The following ARMH1 variants were observed in gnomAD, a reference collection of about 807,000 sequenced individuals.
ARMH1 encodes the protein armadillo-like helical domain containing protein 1.
In ARMH1, 34 loss-of-function variants were observed where a neutral mutation model predicts 50.2. The observed-to-expected ratio is 0.68, with a 90% CI of 0.51 to 0.90. ARMH1 has a LOEUF of 0.90. Ranked by LOEUF, ARMH1 falls within the 40% of genes least tolerant of loss-of-function variation. The pLI, the probability that ARMH1 is intolerant of heterozygous loss-of-function variation, is 0.00. For missense variants in ARMH1, 538 were observed against 553.9 expected, an observed-to-expected ratio of 0.97 and a Z score of 0.29; for synonymous variants, 221 against 224.2, an observed-to-expected ratio of 0.99 and a Z score of 0.13.
At chr1:44,718,830 GC>G in intron 6 of ARMH1, among the ~76,000 whole-genome samples, 1 of 152,186 alleles carries the variant, frequency 6.6e-6, no homozygotes, top group East Asian at 1.9e-4. Context: ...TTCAAGACCA[GC>G]CTGACCACCA....
intron 4 of ARMH1, among the ~76,000 whole-genome samples, chr1:44,698,807 C>A (rs567767062): frequency 7.3e-5 from 10 of 137,904 alleles, no homozygotes; most frequent in Non-Finnish European, 1.3e-4. Context: ...AAGTGAAACT[C>A]CATCTCAAAA....
intron 3 of ARMH1, 45 bp downstream of exon 3, chr1:44,697,215 C>G: frequency 6.9e-7 from 1 of 1,451,460 alleles, no homozygotes; most frequent in Non-Finnish European, 9.5e-7. Flanking sequence ...AGTGGCATCT[C>G]AGGCTCATGA....
chr1:44,705,067 CCT>C, intron 6 of ARMH1, among the ~76,000 whole-genome samples: 1 of 146,368 alleles, frequency 6.8e-6, no homozygotes, highest in Admixed American at 6.9e-5. Context: ...GATCTCCTGA[CCT>C]CGTGATCCAC....
At position 44,724,550 on chromosome 1, in the gene ARMH1, G is replaced by C; in HGVS notation, c.932G>C (p.Arg311Pro). 6.6e-7 allele frequency: 1 copy of C among 1,511,188 alleles called. No individual in the cohort carries two copies. Among genetic ancestry groups the C allele is most frequent in the Non-Finnish European group, 8.8e-7 (1 of 1,132,686 alleles). 93.6% of individuals were successfully genotyped at this position (1,511,188 alleles called of 1,614,324 possible). A position where few individuals can be genotyped will look rare whatever the true frequency, so the allele number is the denominator to read the frequency against. Reference sequence around the variant, plus strand: ...AACCCCCGGCCCAGGGTCCTGGCGCGCAACGACATGAGCATCGCCGAGGAG... The same window carrying C: ...AACCCCCGGCCCAGGGTCCTGGCGCCCAACGACATGAGCATCGCCGAGGAG... ...AAAKAIGVLA[R>P]NDMSIAEELL... Residue 311 changes from arginine to proline, a missense_variant, in exon 9 of 12, where the codon CGC becomes CCC. Arg to Pro is a moderately radical substitution (Grantham distance 103, BLOSUM62 -2). Coordinates refer to ENST00000535358, the MANE Select transcript of ARMH1 (RefSeq NM_001145636.2). The surrounding 1 kb of genome is among the most constrained non-coding windows in gnomAD (Gnocchi z 6.4).
intron 6 of ARMH1, chr1:44,721,773 T>C (rs1647195980): frequency 1.3e-5 from 2 of 152,104 alleles, no homozygotes; most frequent in African/African-American, 2.4e-5. Context: ...CTCTCTTTAG[T>C]AACAGAACAT....
chr1:44,711,376 T>C (rs1024382537), intron 6 of ARMH1, among the ~76,000 whole-genome samples: 5 of 152,236 alleles, frequency 3.3e-5, no homozygotes, highest in African/African-American at 1.2e-4. Context: ...GGGGATTCTT[T>C]AATTATAGCC....
Position 44,682,124 on chromosome 1 carries a change from G to A in ARMH1, c.-23+7251G>A, listed in dbSNP as rs977989248. On this transcript the variant is annotated intron_variant, in intron 1 of 11. Transcript: ENST00000535358. The surrounding 1 kb of genome is among the most constrained non-coding windows in gnomAD (Gnocchi z 4.5). ...CTGGGAATCTGTTTAATTAACTAATGTGCAGAGCTAAGGAAATTAAAGTGC... is the reference window on the plus strand; with the variant it reads ...CTGGGAATCTGTTTAATTAACTAATATGCAGAGCTAAGGAAATTAAAGTGC... Among the ~76,000 whole-genome samples, 1 of 152,196 alleles carries A rather than the reference G, an allele frequency of 6.6e-6. No individual in the cohort carries two copies. The highest frequency in any genetic ancestry group is 2.4e-5 in the African/African-American group (1 of 41,442).
In ARMH1 at chr1:44,724,183, C is replaced by T. The variant is rs149200146; in HGVS notation, c.786C>T (p.Leu262=). The change falls in exon 7 of 12, where the codon CTC becomes CTT. Residue 262 remains leucine (L), a synonymous_variant. Coordinates refer to ENST00000535358, the MANE Select transcript of ARMH1 (RefSeq NM_001145636.2). The surrounding 1 kb of genome is among the most constrained non-coding windows in gnomAD (Gnocchi z 6.4). Reference sequence around the variant, plus strand: ...TGCGCCAGGCGCTGCTCAAGGGCCTCGTGGCGCTGCTGATACCGTCGGTCA... The same window carrying T: ...TGCGCCAGGCGCTGCTCAAGGGCCTTGTGGCGCTGCTGATACCGTCGGTCA... ...YDVRQALLKG[L]VALLIPSVKE... The T allele has an allele frequency of 2.1e-5, 32 of 1,551,558 alleles. No individual in the cohort carries two copies. Among genetic ancestry groups the T allele is most frequent in the Non-Finnish European group, 2.5e-5 (29 of 1,146,952 alleles).
intron 2 of ARMH1, among the ~76,000 whole-genome samples, chr1:44,691,690 C>G (rs932342696): frequency 1.3e-5 from 2 of 152,286 alleles, no homozygotes; most frequent in African/African-American, 4.8e-5. Context: ...ATAAGTATCC[C>G]TGCCCAAATT....
Position 44,695,582 on chromosome 1 carries a change from A to G in ARMH1, c.207-1520A>G, listed in dbSNP as rs140756635. ...AGGCAGGAGGATCGCTTGAGCCTAG[A>G]AGTTCAAAACCAGCCTGGGCAACAT... On this transcript the variant is annotated intron_variant, in intron 2 of 11. Transcript: ENST00000535358. Among the ~76,000 whole-genome samples the G allele has an allele frequency of 8.4e-3, 1,279 of 152,190 alleles. 17 individuals carry two copies. Among genetic ancestry groups the G allele is most frequent in the African/African-American group, 0.029 (1,186 of 41,508 alleles).
At chr1:44,718,513 CAG>C (rs1451641852) in intron 6 of ARMH1, among the ~76,000 whole-genome samples, 2 of 152,228 alleles carry the variant, frequency 1.3e-5, no homozygotes, top group Non-Finnish European at 2.9e-5. Flanking sequence ...TTGTCCAGAT[CAG>C]AGAGTGTTTG....
chr1:44,685,068 C>A (rs1645424795), intron 1 of ARMH1, among the ~76,000 whole-genome samples: 1 of 152,072 alleles, frequency 6.6e-6, no homozygotes, highest in Non-Finnish European at 1.5e-5. Context: ...TTTATGAATT[C>A]CCCAGTGAGA....
Position 44,724,486 on chromosome 1 carries a change from G to C in ARMH1, c.921-53G>C. 2.0e-6 allele frequency: 3 copies of C among 1,513,386 alleles called. No homozygotes were observed. The highest frequency in any genetic ancestry group is 2.6e-6 in the Non-Finnish European group (3 of 1,133,872). 93.7% of individuals were successfully genotyped at this position (1,513,386 alleles called of 1,614,324 possible). On this transcript the variant is annotated intron_variant, in intron 8 of 11. Coordinates refer to ENST00000535358, the MANE Select transcript of ARMH1 (RefSeq NM_001145636.2). The surrounding 1 kb of genome is among the most constrained non-coding windows in gnomAD (Gnocchi z 6.4). ...CGCTCCGTGCGCCGGGTGGGCGGGG[G>C]TGTGCGCCGGGTGAGCCCCAGGGCG...
At chr1:44,678,748 A>G (rs1455022809) in intron 1 of ARMH1, among the ~76,000 whole-genome samples, 3 of 152,088 alleles carry the variant, frequency 2.0e-5, no homozygotes, top group African/African-American at 7.2e-5. Flanking sequence ...CTGGCAACCC[A>G]TGCCTTGGAG....
At chr1:44,697,923 A>T (rs1645881665) in intron 3 of ARMH1, 140 bp from the exon 4 acceptor site, 2 of 554,756 alleles carry the variant, frequency 3.6e-6, no homozygotes, top group Non-Finnish European at 6.0e-6. Flanking sequence ...GAATTTCCAC[A>T]CTCGTATCAC....
At chr1:44,723,195 C>T (rs1169472695) in intron 6 of ARMH1, among the ~76,000 whole-genome samples, 1 of 152,132 alleles carries the variant, frequency 6.6e-6, no homozygotes, top group Non-Finnish European at 1.5e-5. Context: ...CAATCCTTGC[C>T]GATTTTCTCT....
At chr1:44,680,761 C>A (rs66509359) in intron 1 of ARMH1, among the ~76,000 whole-genome samples, 196 of 152,040 alleles carry the variant, frequency 1.3e-3, no homozygotes, top group African/African-American at 4.7e-3. Flanking sequence ...GAGAGGGTTG[C>A]GCTTGATGGC....
At chr1:44,721,210 T>G (rs756754874) in intron 6 of ARMH1, among the ~76,000 whole-genome samples, 1 of 151,950 alleles carries the variant, frequency 6.6e-6, no homozygotes, top group Non-Finnish European at 1.5e-5. Flanking sequence ...CTTGTATGGA[T>G]TATATAACTA....
At chr1:44,697,644 TC>T (rs964080176) in intron 3 of ARMH1, among the ~76,000 whole-genome samples, 5 of 152,122 alleles carry the variant, frequency 3.3e-5, no homozygotes, top group Non-Finnish European at 5.9e-5. Context: ...GCAGATCCTT[TC>T]CACAGCTTCC....
Sources: gnomAD v4.1 joint callset for allele counts (sites outside exome capture counted in the v4.1 genomes callset) on GRCh38, gnomAD v4.1.1 for gene constraint, Gnocchi (gnomAD v3.1) non-coding constraint, MANE v1.5 for transcripts, NCBI Gene and HGNC (gene_info 2026-07-23, HGNC 2026-07-21) for gene names.